PAK2: variants seen among roughly 807,000 people sequenced by gnomAD.
PAK2 encodes the protein p21 (RAC1) activated kinase 2.
Under a neutral mutation model 65.9 loss-of-function variants are expected in PAK2, and 21 were observed. That is an observed-to-expected ratio of 0.32 (90% CI 0.23 to 0.46). PAK2 has a LOEUF of 0.46. PAK2 is among the 20% of genes least tolerant of loss of function. The pLI, the probability that PAK2 is intolerant of heterozygous loss-of-function variation, is 1.00. For synonymous variants in PAK2, 204 were observed against 219.7 expected (o/e 0.93, Z 0.63); for missense variants, 324 against 642.6 (o/e 0.50, Z 5.36).
At chr3:196,751,694 T>TATATATATATAAA (rs1211217848) in intron 1 of PAK2, among the ~76,000 whole-genome samples, 5 of 45,822 alleles carry the variant, frequency 1.1e-4, no homozygotes, top group African/African-American at 2.3e-4. Context: ...TATATATATA[T>TATATATATATAAA]AATTCAGGCT....
intron 11 of PAK2, 119 bp downstream of exon 11, chr3:196,814,687 C>G (rs996300351): frequency 1.1e-5 from 7 of 656,918 alleles, no homozygotes; most frequent in Non-Finnish European, 1.6e-5. Context: ...TGTATACATT[C>G]TCTGCAAATT....
intron 1 of PAK2, among the ~76,000 whole-genome samples, chr3:196,749,061 A>T (rs1444400250): frequency 2.0e-5 from 3 of 146,520 alleles, no homozygotes; most frequent in African/African-American, 7.5e-5. Flanking sequence ...TCTGTGTTGT[A>T]GCATGTCAGA....
rs183584185 is a variant in PAK2 at position 196,759,449 on chromosome 3, T to C, written c.-22+19292T>C. On this transcript the variant is annotated intron_variant, in intron 1 of 14. Coordinates refer to ENST00000327134, the MANE Select transcript of PAK2 (RefSeq NM_002577.4). ...TAAATTTTAAAAAAACAGATATTCA[T>C]ATACAGTAAAATTCACCCTTTAAGG... Among the ~76,000 whole-genome samples the C allele has an allele frequency of 3.2e-3, 471 of 149,266 alleles. 17 individuals carry two copies. The highest frequency in any genetic ancestry group is 0.027 in the Admixed American group (406 of 14,868).
intron 1 of PAK2, among the ~76,000 whole-genome samples, chr3:196,773,480 C>T (rs757330825): frequency 6.6e-6 from 1 of 152,062 alleles, no homozygotes; most frequent in African/African-American, 2.4e-5. Context: ...GAAAAGAGAA[C>T]TGAAGGTCAT....
intron 1 of PAK2, among the ~76,000 whole-genome samples, chr3:196,743,324 T>C (rs1470246024): frequency 6.6e-6 from 1 of 152,192 alleles, no homozygotes; most frequent in Non-Finnish European, 1.5e-5. Flanking sequence ...AGTCCTGCGT[T>C]TGAATTCTTG....
chr3:196,826,923 C>CAA (rs553157061), intron 13 of PAK2, among the ~76,000 whole-genome samples: 2 of 147,392 alleles, frequency 1.4e-5, no homozygotes, highest in East Asian at 2.0e-4. Flanking sequence ...TCCGTCTCAA[C>CAA]AAAAAAAAAC....
intron 1 of PAK2, among the ~76,000 whole-genome samples, chr3:196,741,444 G>A (rs1021017531): frequency 6.6e-6 from 1 of 152,190 alleles, no homozygotes; most frequent in African/African-American, 2.4e-5. Flanking sequence ...CCTTTTTCAT[G>A]TTCTGTTAGG....
intron 13 of PAK2, among the ~76,000 whole-genome samples, chr3:196,823,723 A>G (rs886790754): frequency 6.6e-6 from 1 of 150,912 alleles, no homozygotes; most frequent in Non-Finnish European, 1.5e-5. Context: ...TGAGCCAGGC[A>G]TGGTGGCGTG....
intron 1 of PAK2, among the ~76,000 whole-genome samples, chr3:196,767,386 C>A (rs1404222626): frequency 6.7e-6 from 1 of 149,256 alleles, no homozygotes; most frequent in Non-Finnish European, 1.5e-5. Context: ...GATTATTAAA[C>A]CTATCCTCAC....
At chr3:196,755,268 A>T (rs542332056) in intron 1 of PAK2, among the ~76,000 whole-genome samples, 33 of 152,116 alleles carry the variant, frequency 2.2e-4, no homozygotes, top group African/African-American at 8.0e-4. Flanking sequence ...ATAGATTTTC[A>T]CTTTGGTAGT....
At chr3:196,809,155 G>A (rs1461735442) in intron 7 of PAK2, among the ~76,000 whole-genome samples, 1 of 150,766 alleles carries the variant, frequency 6.6e-6, no homozygotes, top group Admixed American at 6.6e-5. Flanking sequence ...GCCTGAGGCA[G>A]GAGGATTGCT....
At chr3:196,745,470 G>C (rs1713344798) in intron 1 of PAK2, among the ~76,000 whole-genome samples, 1 of 151,852 alleles carries the variant, frequency 6.6e-6, no homozygotes, top group Non-Finnish European at 1.5e-5. Context: ...CATGCCTGGT[G>C]GGGATAAAAG....
At chr3:196,766,264 A>G (rs928330208) in intron 1 of PAK2, among the ~76,000 whole-genome samples, 1 of 152,180 alleles carries the variant, frequency 6.6e-6, no homozygotes, top group Non-Finnish European at 1.5e-5. Context: ...AGTAGAGTTC[A>G]GTAGAGGAAA....
rs1217713421 is a variant in PAK2, at chr3:196,831,192, G to GT, written c.*2793dup. On this transcript the variant is annotated 3_prime_UTR_variant, in exon 15 of 15. Transcript: ENST00000327134. ...CGTGAGCCACTGCACCTGGCCTCAT[G>GT]TTTTTTAAATAATTGCCTTTTATAT... 5.9e-5 allele frequency: 9 copies of GT among 152,074 alleles called. No homozygotes were observed. Among genetic ancestry groups the GT allele is most frequent in the Non-Finnish European group, 1.2e-4 (8 of 68,020 alleles). The allele number at this position is 152,074 out of a possible 1,614,324, so 9.4% of individuals were successfully genotyped here.
At chr3:196,743,411 A>G (rs1178258169) in intron 1 of PAK2, among the ~76,000 whole-genome samples, 1 of 152,228 alleles carries the variant, frequency 6.6e-6, no homozygotes, top group African/African-American at 2.4e-5. Flanking sequence ...GGGGATAATA[A>G]TAATAATACC....
chr3:196,803,198 G>T (rs975374641), intron 4 of PAK2, 34 bp downstream of exon 4: 1 of 1,514,180 alleles, frequency 6.6e-7, no homozygotes, highest in Non-Finnish European at 8.9e-7. Context: ...ATCAGATGGA[G>T]ATTTGTGAAG....
intron 1 of PAK2, among the ~76,000 whole-genome samples, chr3:196,758,081 T>C (rs1388999911): frequency 2.0e-5 from 3 of 152,228 alleles, no homozygotes; most frequent in Non-Finnish European, 4.4e-5. Context: ...ATTCACTGAT[T>C]TATTCATTCA....
Position 196,757,339 on chromosome 3 carries a change from A to G in PAK2, c.-22+17182A>G, listed in dbSNP as rs75654690. ...AACTACGCTGAAGTTAAACTTTAAA[A>G]TGGAGGGCAATACTGGTTCTTTGAA... On this transcript the variant is annotated intron_variant, in intron 1 of 14. Coordinates refer to ENST00000327134, the MANE Select transcript of PAK2 (RefSeq NM_002577.4). Among the ~76,000 whole-genome samples, 354 of 152,312 alleles carry G rather than the reference A, an allele frequency of 2.3e-3. 1 individual carries two copies. The highest frequency in any genetic ancestry group is 8.2e-3 in the African/African-American group (341 of 41,556).
At chr3:196,759,498 GT>G (rs71301221) in intron 1 of PAK2, among the ~76,000 whole-genome samples, 169 of 108,140 alleles carry the variant, frequency 1.6e-3, no homozygotes, top group Non-Finnish European at 2.5e-3. Flanking sequence ...GGTTTTTTTT[GT>G]TTTTTTTTTT....
Sources: allele counts gnomAD v4.1 joint callset (sites outside exome capture counted in the v4.1 genomes callset), GRCh38; gene constraint gnomAD v4.1.1; transcripts MANE v1.5; gene names NCBI Gene and HGNC (gene_info 2026-07-23, HGNC 2026-07-21).